The following CSMD1 variants were observed in gnomAD, a reference collection of about 807,000 sequenced individuals.
CSMD1 encodes the protein CUB and Sushi multiple domains 1.
CSMD1 carries 213 observed loss-of-function variants against 417.5 expected under a neutral mutation model. The ratio of observed to expected loss-of-function variants is 0.51; its 90% CI spans 0.46 to 0.57. CSMD1 has a LOEUF of 0.57. CSMD1 is among the 20% of genes least tolerant of loss of function. The probability of loss-of-function intolerance (pLI) is 0.00; values close to 1 mark genes in which losing one functional copy is unlikely to be tolerated. For missense variants in CSMD1, 6,923 were observed against 4,529.7 expected (o/e 1.53, Z -15.17); for synonymous variants, 2,862 against 1,736.8 (o/e 1.65, Z -16.11).
At chr8:3,271,274 C>A in intron 26 of CSMD1, among the ~76,000 whole-genome samples, 1 of 151,974 alleles carries the variant, frequency 6.6e-6, no homozygotes, top group East Asian at 1.9e-4. Flanking sequence ...TTTTTTAAGG[C>A]TGCATAGTAT....
chr8:3,343,518 A>C, intron 22 of CSMD1, 68 bp from the exon 23 acceptor site: 1 of 1,353,300 alleles, frequency 7.4e-7, no homozygotes, highest in Non-Finnish European at 1.0e-6. Context: ...AATGGTAATA[A>C]ACAATCCAAA....
rs1203415175 is a variant in CSMD1, at chr8:4,151,821, T to TTA, written c.416-119724_416-119723dup. Among the ~76,000 whole-genome samples, 7 of 152,304 alleles carry TTA rather than the reference T, an allele frequency of 4.6e-5. 1 individual carries two copies. Among genetic ancestry groups the TTA allele is most frequent in the Middle Eastern group, 6.8e-3 (2 of 294 alleles). ...TGAAAAATAATTGTTCGAAGTTTTT[T>TTA]TATATATATAGCATGAATCAATTAT... On this transcript the variant is annotated intron_variant, in intron 3 of 69. Coordinates refer to ENST00000635120, the MANE Select transcript of CSMD1 (RefSeq NM_033225.6).
chr8:3,502,960 T>C (rs1332925833), intron 10 of CSMD1, among the ~76,000 whole-genome samples: 1 of 152,140 alleles, frequency 6.6e-6, no homozygotes, highest in Non-Finnish European at 1.5e-5. Flanking sequence ...CTGGTGAGGA[T>C]GCTTACAGTG....
At chr8:3,634,792 C>T (rs1029140846) in intron 7 of CSMD1, among the ~76,000 whole-genome samples, 8 of 152,148 alleles carry the variant, frequency 5.3e-5, no homozygotes, top group African/African-American at 1.9e-4. Context: ...AGCCATGCAT[C>T]ATGTGTCCTG....
intron 3 of CSMD1, among the ~76,000 whole-genome samples, chr8:4,127,240 A>G (rs1365552834): frequency 1.3e-5 from 2 of 151,952 alleles, no homozygotes; most frequent in African/African-American, 4.8e-5. Context: ...CCTTACGGAA[A>G]GCTTCTAACA....
In CSMD1 at chr8:3,991,166, G is replaced by C. The variant is rs531299832; in HGVS notation, c.818+6737C>G. ...CCACAGTAGACATTGTGGAGAGGGTGCCTAATCCACCCAGGTGAAAACAAA... is the reference window on the plus strand; with the variant it reads ...CCACAGTAGACATTGTGGAGAGGGTCCCTAATCCACCCAGGTGAAAACAAA... On this transcript the variant is annotated intron_variant, in intron 5 of 69. Coordinates refer to ENST00000635120, the MANE Select transcript of CSMD1 (RefSeq NM_033225.6). Among the ~76,000 whole-genome samples, 5 of 152,312 alleles carry C rather than the reference G, an allele frequency of 3.3e-5. No individual in the cohort carries two copies. In the East Asian group the frequency reaches 9.7e-4, roughly 29 times the overall value.
chr8:3,672,060 T>C (rs895434857), intron 7 of CSMD1, among the ~76,000 whole-genome samples: 1 of 152,160 alleles, frequency 6.6e-6, no homozygotes, highest in African/African-American at 2.4e-5. Flanking sequence ...AAAGTCAACA[T>C]CTTATCTTAC....
In CSMD1 at chr8:3,748,272, G is replaced by C. The variant is rs139273438; in HGVS notation, c.931+5658C>G. Among the ~76,000 whole-genome samples, 382 of 152,244 alleles carry C rather than the reference G, an allele frequency of 2.5e-3. 1 individual carries two copies. Among genetic ancestry groups the C allele is most frequent in the African/African-American group, 8.0e-3 (332 of 41,538 alleles). On this transcript the variant is annotated intron_variant, in intron 6 of 69. Coordinates refer to ENST00000635120, the MANE Select transcript of CSMD1 (RefSeq NM_033225.6). ...AACTATTTTTTTTCATGGAGGTTTA[G>C]TGGTTTTAAGAATTATTTAAAGGTT...
chr8:3,494,450 G>C (rs1053429398), intron 10 of CSMD1, among the ~76,000 whole-genome samples: 3 of 152,016 alleles, frequency 2.0e-5, no homozygotes, highest in African/African-American at 4.8e-5. Flanking sequence ...GGGTAGTAAG[G>C]AGAAAAAGGA....
chr8:3,827,147 C>A (rs896723080), intron 5 of CSMD1, among the ~76,000 whole-genome samples: 2 of 152,138 alleles, frequency 1.3e-5, no homozygotes, highest in African/African-American at 2.4e-5. Context: ...TGTGCTCACA[C>A]AGTTTAGAAC....
intron 6 of CSMD1, among the ~76,000 whole-genome samples, chr8:3,726,544 G>A (rs996058042): frequency 1.3e-5 from 2 of 152,178 alleles, no homozygotes; most frequent in African/African-American, 4.8e-5. Flanking sequence ...TTTGGGTCCA[G>A]TGTTTTTGAA....
intron 1 of CSMD1, among the ~76,000 whole-genome samples, chr8:4,941,568 G>C (rs1808003302): frequency 6.6e-6 from 1 of 151,304 alleles, no homozygotes; most frequent in Non-Finnish European, 1.5e-5. Context: ...TTTTTATCCT[G>C]TTCATGGAAA....
chr8:3,249,822 T>A (rs76034934), intron 26 of CSMD1, among the ~76,000 whole-genome samples: 1 of 152,150 alleles, frequency 6.6e-6, no homozygotes, highest in Non-Finnish European at 1.5e-5. Flanking sequence ...TGCAATTTAG[T>A]GATGTTTATT....
At chr8:4,136,608 A>G (rs1304285912) in intron 3 of CSMD1, among the ~76,000 whole-genome samples, 1 of 152,178 alleles carries the variant, frequency 6.6e-6, no homozygotes, top group African/African-American at 2.4e-5. Context: ...CCAGCAAGAG[A>G]GGTTGAATAT....
chr8:3,765,743 G>T (rs563727956), intron 5 of CSMD1, among the ~76,000 whole-genome samples: 1 of 152,176 alleles, frequency 6.6e-6, no homozygotes, highest in African/African-American at 2.4e-5. Flanking sequence ...CGCCCAGGGG[G>T]TGAGATCTGG....
At chr8:4,043,902 C>A (rs1332246024) in intron 3 of CSMD1, among the ~76,000 whole-genome samples, 1 of 152,086 alleles carries the variant, frequency 6.6e-6, no homozygotes, top group Non-Finnish European at 1.5e-5. Flanking sequence ...CACAGATAAA[C>A]CTGAATCTGT....
intron 1 of CSMD1, among the ~76,000 whole-genome samples, chr8:4,770,676 A>T (rs1479912099): frequency 1.3e-5 from 2 of 152,012 alleles, no homozygotes; most frequent in East Asian, 3.9e-4. Flanking sequence ...TGGTCAGCTA[A>T]TTTTCAACAA....
At chr8:4,083,688 A>G (rs538188147) in intron 3 of CSMD1, among the ~76,000 whole-genome samples, 89 of 152,300 alleles carry the variant, frequency 5.8e-4, no homozygotes, top group Middle Eastern at 3.4e-3. Flanking sequence ...ACAAAAATCA[A>G]TTCAAGATGG....
intron 2 of CSMD1, among the ~76,000 whole-genome samples, chr8:4,441,108 T>TG (rs1312632558): frequency 7.9e-6 from 1 of 126,382 alleles, no homozygotes; most frequent in African/African-American, 2.8e-5. Flanking sequence ...TTTTTTTTTT[T>TG]TTTTTTTTTT....
Sources: allele counts gnomAD v4.1 joint callset (sites outside exome capture counted in the v4.1 genomes callset), GRCh38; gene constraint gnomAD v4.1.1; transcripts MANE v1.5; gene names NCBI Gene and HGNC (gene_info 2026-07-23, HGNC 2026-07-21).